Variants in LARGE1 observed in about 807,000 individuals in gnomAD.
The protein encoded by LARGE1 is xylosyl- and glucuronyltransferase LARGE1.
LARGE1 carries 43 observed loss-of-function variants against 87.6 expected under a neutral mutation model. The observed-to-expected ratio is 0.49, with a 90% CI of 0.38 to 0.63. The LOEUF is 0.63. Among genes scored for constraint, LARGE1 ranks in the 30% least tolerant of loss-of-function variants. The pLI, the probability that LARGE1 is intolerant of heterozygous loss-of-function variation, is 0.00. For synonymous variants in LARGE1, 434 were observed against 394.6 expected (o/e 1.10, Z -1.18); for missense variants, 802 against 1,000.2 (o/e 0.80, Z 2.67).
At chr22:33,091,595 T>TAAATAAATAAAG in the LARGE1 span, among the ~76,000 whole-genome samples, 2 of 150,384 alleles carry the variant, frequency 1.3e-5, no homozygotes, top group African/African-American at 4.9e-5. Context: ...AATAAATAAA[T>TAAATAAATAAAG]AAAGAGACAT....
At chr22:33,916,436 G>A (rs758176100) in intron 1 of LARGE1, among the ~76,000 whole-genome samples, 7 of 152,288 alleles carry the variant, frequency 4.6e-5, no homozygotes, top group Non-Finnish European at 1.0e-4. Flanking sequence ...TAAACGAAAA[G>A]ATGAAAAGTC....
At chr22:33,421,781 C>T (rs1043072294) in intron 7 of LARGE1, among the ~76,000 whole-genome samples, 4 of 152,198 alleles carry the variant, frequency 2.6e-5, no homozygotes, top group Admixed American at 2.6e-4. Context: ...GGTGCCAGGA[C>T]TACAGAAGGC....
chr22:33,729,206 T>G (rs2083377361), intron 2 of LARGE1, among the ~76,000 whole-genome samples: 1 of 152,192 alleles, frequency 6.6e-6, no homozygotes, highest in Non-Finnish European at 1.5e-5. Context: ...AAGTGCAGAT[T>G]AAGCAAAAGG....
At chr22:33,413,864 G>A (rs1279803330) in intron 7 of LARGE1, among the ~76,000 whole-genome samples, 3 of 152,178 alleles carry the variant, frequency 2.0e-5, no homozygotes, top group East Asian at 1.9e-4. Context: ...GTCACAGAGG[G>A]CAAGATTTCC....
chr22:33,730,713 G>A (rs528551068), intron 2 of LARGE1, among the ~76,000 whole-genome samples: 8 of 149,750 alleles, frequency 5.3e-5, no homozygotes, highest in Middle Eastern at 3.4e-3. Flanking sequence ...TTTTTGAGAC[G>A]GAGTTTTACT....
At chr22:33,125,667 G>A in the LARGE1 span, among the ~76,000 whole-genome samples, 1 of 152,138 alleles carries the variant, frequency 6.6e-6, no homozygotes, top group Non-Finnish European at 1.5e-5. Flanking sequence ...AGATGATCTC[G>A]ATCTCCTGAC....
the LARGE1 span, among the ~76,000 whole-genome samples, chr22:33,089,342 C>CTTCTTCTTCTTCTTT: frequency 2.4e-5 from 2 of 82,780 alleles, no homozygotes; most frequent in African/African-American, 1.3e-4. Context: ...TCTTCTTCTT[C>CTTCTTCTTCTTCTTT]TTCTTCTTCT....
intron 13 of LARGE1, among the ~76,000 whole-genome samples, chr22:33,282,500 C>T (rs12159214): frequency 0.066 from 10,009 of 152,234 alleles, 1,119 homozygotes; most frequent in African/African-American, 0.23. Flanking sequence ...CAGCCTGTCC[C>T]CAGGACATGG....
intron 2 of LARGE1, among the ~76,000 whole-genome samples, chr22:33,729,231 G>T (rs2083378433): frequency 6.6e-6 from 1 of 152,180 alleles, no homozygotes; most frequent in Admixed American, 6.5e-5. Flanking sequence ...ATGCAATGGG[G>T]AAAGGAATTG....
chr22:33,288,090 C>T (rs1360345264), intron 12 of LARGE1, among the ~76,000 whole-genome samples: 1 of 152,208 alleles, frequency 6.6e-6, no homozygotes, highest in Admixed American at 6.5e-5. Context: ...GGTTCCCTTT[C>T]TGTATCAGAT....
chr22:33,098,525 G>A, the LARGE1 span, among the ~76,000 whole-genome samples: 16 of 152,288 alleles, frequency 1.1e-4, no homozygotes, highest in East Asian at 5.8e-4. Context: ...GGAGGCTGAG[G>A]CAGGAGAATG....
At chr22:33,921,475 CGT>C (rs1301067826), upstream of LARGE1, among the ~76,000 whole-genome samples, 1 of 151,956 alleles carries the variant, frequency 6.6e-6, no homozygotes, top group Non-Finnish European at 1.5e-5. This position sits in a 1 kb window ranked among gnomAD's most constrained non-coding sequence, Gnocchi z 4.1. Context: ...AAACAGCCGT[CGT>C]GAGAAGTAGG....
chr22:33,071,013 TAAAAAATTAA>T, the LARGE1 span, among the ~76,000 whole-genome samples: 1 of 151,400 alleles, frequency 6.6e-6, no homozygotes, highest in Non-Finnish European at 1.5e-5. Flanking sequence ...ATGCCAGAAA[TAAAAAATTAA>T]AAAAAATAAA....
intron 2 of LARGE1, among the ~76,000 whole-genome samples, chr22:33,755,828 C>T (rs545427362): frequency 1.3e-5 from 2 of 152,166 alleles, no homozygotes; most frequent in Non-Finnish European, 2.9e-5. Flanking sequence ...AGTGTAACGA[C>T]GAATAAAACA....
At chr22:33,211,985 T>C (rs1298075929) in intron 11 of LARGE1, among the ~76,000 whole-genome samples, 1 of 152,108 alleles carries the variant, frequency 6.6e-6, no homozygotes, top group East Asian at 1.9e-4. Flanking sequence ...CAGAAGGAAG[T>C]TTGAAGCTAG....
intron 11 of LARGE1, among the ~76,000 whole-genome samples, chr22:33,308,095 G>A (rs1935142653): frequency 1.3e-5 from 2 of 152,290 alleles, no homozygotes; most frequent in Admixed American, 6.5e-5. Flanking sequence ...CTAAAAACAG[G>A]TGGGGGCTAT....
chr22:33,562,480 C>T (rs555594408), intron 6 of LARGE1, among the ~76,000 whole-genome samples: 1 of 152,170 alleles, frequency 6.6e-6, no homozygotes, highest in Non-Finnish European at 1.5e-5. Context: ...AATAAACCAA[C>T]AAAAGAATGA....
chr22:33,836,631 T>A (rs1314106770), intron 1 of LARGE1, among the ~76,000 whole-genome samples: 2 of 152,046 alleles, frequency 1.3e-5, no homozygotes, highest in African/African-American at 4.8e-5. Context: ...TGGCTTCGAG[T>A]GGCAGCCCAA....
chr22:33,346,465 G>A (rs1179524871), intron 9 of LARGE1, among the ~76,000 whole-genome samples: 5 of 152,160 alleles, frequency 3.3e-5, no homozygotes, highest in African/African-American at 1.2e-4. Context: ...GCCACGCCTG[G>A]CTATGTTTTG....
Sources: allele counts gnomAD v4.1 joint callset (sites outside exome capture counted in the v4.1 genomes callset), GRCh38; gene constraint gnomAD v4.1.1; non-coding constraint Gnocchi (gnomAD v3.1); transcripts MANE v1.5; gene names NCBI Gene and HGNC (gene_info 2026-07-23, HGNC 2026-07-21).